SORCS1: variants seen among roughly 807,000 people sequenced by gnomAD.
SORCS1 encodes VPS10 domain-containing receptor SorCS1.
SORCS1 carries 60 observed loss-of-function variants against 146.1 expected under a neutral mutation model. That is an observed-to-expected ratio of 0.41 (90% CI 0.33 to 0.51). The LOEUF (loss-of-function observed/expected upper bound fraction) is 0.51. Ranked by LOEUF, SORCS1 falls within the 20% of genes least tolerant of loss-of-function variation. The pLI is 0.21. For synonymous variants in SORCS1, 637 were observed against 584.0 expected, an observed-to-expected ratio of 1.09 and a Z score of -1.31; for missense variants, 1,352 against 1,487.6, an observed-to-expected ratio of 0.91 and a Z score of 1.50.
At chr10:106,686,501 A>G (rs947133239) in intron 10 of SORCS1, among the ~76,000 whole-genome samples, 1 of 152,200 alleles carries the variant, frequency 6.6e-6, no homozygotes, top group African/African-American at 2.4e-5. Flanking sequence ...TCTTTGGTTA[A>G]GCAGCACTAC....
intron 1 of SORCS1, among the ~76,000 whole-genome samples, chr10:107,008,136 A>G (rs1957535156): frequency 6.6e-6 from 1 of 152,144 alleles, no homozygotes; most frequent in Non-Finnish European, 1.5e-5. Flanking sequence ...TTTCTATACT[A>G]ACATCATACG....
intron 2 of SORCS1, among the ~76,000 whole-genome samples, chr10:106,830,945 A>G (rs1391289257): frequency 6.6e-6 from 1 of 152,054 alleles, no homozygotes; most frequent in African/African-American, 2.4e-5. Context: ...CTGTAATCTC[A>G]GCACTTTGGG....
At chr10:106,772,760 A>T (rs1255947865) in intron 4 of SORCS1, among the ~76,000 whole-genome samples, 1 of 152,176 alleles carries the variant, frequency 6.6e-6, no homozygotes, top group East Asian at 1.9e-4. Context: ...ACACCTGTTC[A>T]ACAAAACTCT....
chr10:106,831,710 A>C (rs1328743276), intron 2 of SORCS1, among the ~76,000 whole-genome samples: 1 of 148,188 alleles, frequency 6.7e-6, no homozygotes, highest in African/African-American at 2.7e-5. Flanking sequence ...TTCTGGCTGG[A>C]AATTCAAGAT....
intron 1 of SORCS1, among the ~76,000 whole-genome samples, chr10:106,999,327 G>T (rs1957122178): frequency 6.6e-6 from 1 of 151,948 alleles, no homozygotes; most frequent in Non-Finnish European, 1.5e-5. Context: ...AGATCTCTGG[G>T]CACTGAAGTC....
intron 17 of SORCS1, among the ~76,000 whole-genome samples, chr10:106,662,116 G>T (rs562371647): frequency 6.6e-6 from 1 of 152,258 alleles, no homozygotes; most frequent in African/African-American, 2.4e-5. Flanking sequence ...AACAAAAATT[G>T]TGCAACCATT....
chr10:107,130,065 A>C (rs1168770460), intron 1 of SORCS1, among the ~76,000 whole-genome samples: 1 of 152,226 alleles, frequency 6.6e-6, no homozygotes, highest in African/African-American at 2.4e-5. Flanking sequence ...CTATCAAGGA[A>C]GAAAAAATGT....
intron 3 of SORCS1, among the ~76,000 whole-genome samples, chr10:106,828,134 A>G (rs1231535854): frequency 6.6e-6 from 1 of 152,192 alleles, no homozygotes; most frequent in Non-Finnish European, 1.5e-5. Context: ...TTTTAAACCG[A>G]ATCCCACTGT....
At chr10:106,823,554 G>C (rs985966822) in intron 3 of SORCS1, among the ~76,000 whole-genome samples, 3 of 152,200 alleles carry the variant, frequency 2.0e-5, no homozygotes, top group Non-Finnish European at 4.4e-5. Context: ...GACACCTACT[G>C]TATACCAAAA....
chr10:106,999,236 C>T (rs1048476947), intron 1 of SORCS1, among the ~76,000 whole-genome samples: 1 of 152,042 alleles, frequency 6.6e-6, no homozygotes. Context: ...ACACACACAC[C>T]ACTGCCACCA....
intron 1 of SORCS1, among the ~76,000 whole-genome samples, chr10:107,163,730 G>A (rs1303748346): frequency 6.6e-6 from 1 of 152,112 alleles, no homozygotes; most frequent in East Asian, 1.9e-4. Flanking sequence ...ATAGGGATTT[G>A]ACTCCTCAGT....
chr10:106,989,625 A>G (rs1956660452), intron 1 of SORCS1, among the ~76,000 whole-genome samples: 1 of 148,334 alleles, frequency 6.7e-6, no homozygotes, highest in Non-Finnish European at 1.5e-5. Context: ...ATTTATATAA[A>G]CCATTCCAAA....
chr10:107,004,940 A>G (rs1957377386), intron 1 of SORCS1, among the ~76,000 whole-genome samples: 1 of 152,184 alleles, frequency 6.6e-6, no homozygotes, highest in African/African-American at 2.4e-5. Flanking sequence ...AAACAAAAGC[A>G]GCAAGTCATC....
At chr10:107,036,507 A>G (rs1313158872) in intron 1 of SORCS1, among the ~76,000 whole-genome samples, 6 of 152,150 alleles carry the variant, frequency 3.9e-5, no homozygotes, top group African/African-American at 1.4e-4. Flanking sequence ...ATAATTGAGG[A>G]GAGAGTTGAT....
chr10:107,159,511 T>C (rs1009708995), intron 1 of SORCS1, among the ~76,000 whole-genome samples: 1 of 152,116 alleles, frequency 6.6e-6, no homozygotes, highest in Non-Finnish European at 1.5e-5. Context: ...GTAAGTAGCA[T>C]TTATTGAGCA....
chr10:106,856,399 A>G (rs1480925798), intron 2 of SORCS1, among the ~76,000 whole-genome samples: 1 of 152,130 alleles, frequency 6.6e-6, no homozygotes, highest in Non-Finnish European at 1.5e-5. Context: ...TGGAATGTGA[A>G]CTTTACCAGT....
chr10:107,031,121 T>A (rs766125548), intron 1 of SORCS1, among the ~76,000 whole-genome samples: 1 of 151,494 alleles, frequency 6.6e-6, no homozygotes, highest in Non-Finnish European at 1.5e-5. Context: ...GAGGTCTACA[T>A]ATAAAATTAG....
chr10:106,671,484 C>A lies in SORCS1; in HGVS notation c.2059-117G>T, dbSNP rs902891133. 5.6e-6 allele frequency: 8 copies of A among 1,422,760 alleles called. No homozygotes were observed. The East Asian group carries it at 9.2e-5, about 16-fold the overall frequency. 88.1% of individuals were successfully genotyped at this position (1,422,760 alleles called of 1,614,324 possible). A position where few individuals can be genotyped will look rare whatever the true frequency, so the allele number is the denominator to read the frequency against. ...CTTAGTGTAATGTAAACTTTGGTAG[C>A]CCTCTTTGTGCTAACAACATTTTCC... On this transcript the variant is annotated intron_variant, in intron 15 of 25. Transcript: ENST00000263054.
At chr10:106,784,335 C>A (rs1945943455) in intron 3 of SORCS1, among the ~76,000 whole-genome samples, 1 of 149,514 alleles carries the variant, frequency 6.7e-6, no homozygotes, top group Non-Finnish European at 1.5e-5. Flanking sequence ...GCGGAGCTTG[C>A]AGTGAGCCAA....
Sources: allele counts gnomAD v4.1 joint callset (sites outside exome capture counted in the v4.1 genomes callset), GRCh38; gene constraint gnomAD v4.1.1; transcripts MANE v1.5; gene names NCBI Gene and HGNC (gene_info 2026-07-23, HGNC 2026-07-21).